FAM117B: variants seen among roughly 807,000 people sequenced by gnomAD.
The protein encoded by FAM117B is family with sequence similarity 117 member B.
FAM117B carries 22 observed loss-of-function variants against 52.8 expected under a neutral mutation model. The ratio of observed to expected loss-of-function variants is 0.42; its 90% confidence interval spans 0.30 to 0.59. The LOEUF (loss-of-function observed/expected upper bound fraction) is 0.59. FAM117B is among the 20% of genes least tolerant of loss of function. FAM117B has a pLI of 0.22. For synonymous variants in FAM117B, 309 were observed against 324.1 expected (o/e 0.95, Z 0.50); for missense variants, 678 against 802.6 (o/e 0.84, Z 1.88).
At chr2:202,726,802 A>C (rs568091600) in intron 4 of FAM117B, among the ~76,000 whole-genome samples, 2 of 152,192 alleles carry the variant, frequency 1.3e-5, no homozygotes, top group South Asian at 4.2e-4. Flanking sequence ...GGGCGATGGG[A>C]GAGGGATAGC....
rs1158185300 is a variant in FAM117B, at chr2:202,673,433, G to GTTTTTTTTTTTTTT, written c.602-22429_602-22416dup. Among the ~76,000 whole-genome samples, 28 of 37,536 alleles carry GTTTTTTTTTTTTTT rather than the reference G, an allele frequency of 7.5e-4. 3 individuals carry two copies. Among genetic ancestry groups the GTTTTTTTTTTTTTT allele is most frequent in the African/African-American group, 2.2e-3 (14 of 6,448 alleles). The allele number at this position is 37,536 out of a possible 152,430, so 24.6% of individuals were successfully genotyped here. A position where few individuals can be genotyped will look rare whatever the true frequency, so the allele number is the denominator to read the frequency against. ...TAGCCTACCCTATTTTTCTTTTTCTGTTTTTTTTTTTTTTTTTTTTTTTTT... is the reference window on the plus strand; with the variant it reads ...TAGCCTACCCTATTTTTCTTTTTCTGTTTTTTTTTTTTTTTTTTTTTTTTTTTTTTTTTTTTTTT... On this transcript the variant is annotated intron_variant, in intron 1 of 7. Coordinates refer to ENST00000392238, the MANE Select transcript of FAM117B (RefSeq NM_173511.4).
At chr2:202,753,408 A>G (rs141978733) in intron 4 of FAM117B, among the ~76,000 whole-genome samples, 4,023 of 152,238 alleles carry the variant, frequency 0.026, 76 homozygotes, top group Non-Finnish European at 0.043. Context: ...AAGCATAAAA[A>G]CCCTAGAAGA....
At position 202,724,969 on chromosome 2, in the gene FAM117B, A is replaced by T. The variant is rs1391278519; in HGVS notation, c.806A>T (p.Lys269Met). 1 of 1,613,476 alleles carries T rather than the reference A, an allele frequency of 6.2e-7. No individual in the cohort carries two copies. Among genetic ancestry groups the T allele is most frequent in the Non-Finnish European group, 8.5e-7 (1 of 1,179,572 alleles). ...TCTGAAAAGAAGAAAGGGTCTCACA[A>T]GCGCTCAGCATCTTGGGGCAGTACA... ...EYSEKKKGSH[K>M]RSASWGSTDQ... Residue 269 changes from lysine to methionine, a missense_variant, in exon 3 of 8, where the codon AAG becomes ATG. Around this residue, in one of 3 missense-constraint regions of FAM117B, gnomAD observed 583 missense variants for 644.8 expected, o/e 0.90. Transcript: ENST00000392238.
chr2:202,725,259 G>C (rs1359296688), intron 3 of FAM117B: 1 of 240,272 alleles, frequency 4.2e-6, no homozygotes, highest in East Asian at 8.4e-5. Flanking sequence ...ATTAACATCA[G>C]ATTTAAAAAT....
intron 4 of FAM117B, among the ~76,000 whole-genome samples, chr2:202,746,288 C>G (rs1257936034): frequency 6.6e-6 from 1 of 151,858 alleles, no homozygotes; most frequent in African/African-American, 2.4e-5. Context: ...CAGACTAGAA[C>G]TAGGAATCAG....
At position 202,766,972 on chromosome 2, in the gene FAM117B, A is replaced by G. The variant is rs1167728503; in HGVS notation, c.*1208A>G. 2 of 152,550 alleles carry G rather than the reference A, an allele frequency of 1.3e-5. No individual in the cohort carries two copies. The highest frequency in any genetic ancestry group is 4.8e-5 in the African/African-American group (2 of 41,406). 9.4% of individuals were successfully genotyped at this position (152,550 alleles called of 1,614,324 possible). A position where few individuals can be genotyped will look rare whatever the true frequency, so the allele number is the denominator to read the frequency against. On this transcript the variant is annotated 3_prime_UTR_variant, in exon 8 of 8. Transcript: ENST00000392238. ...GATTTGTTGCCTACAGATTTTGCTA[A>G]TTTACCCCCCTAACGCTTCACATAG...
At chr2:202,753,352 T>C (rs1003286909) in intron 4 of FAM117B, among the ~76,000 whole-genome samples, 2 of 152,148 alleles carry the variant, frequency 1.3e-5, no homozygotes, top group Non-Finnish European at 2.9e-5. Flanking sequence ...TCCTTATACC[T>C]TATACAAAAA....
intron 1 of FAM117B, among the ~76,000 whole-genome samples, chr2:202,670,113 C>A (rs1171940939): frequency 6.6e-6 from 1 of 152,040 alleles, no homozygotes; most frequent in Non-Finnish European, 1.5e-5. Context: ...TCTAAATCAA[C>A]AAATCTTTAT....
chr2:202,683,871 A>T (rs892604428), intron 1 of FAM117B, among the ~76,000 whole-genome samples: 4 of 146,984 alleles, frequency 2.7e-5, no homozygotes, highest in Non-Finnish European at 4.5e-5. Flanking sequence ...CAAAATTTTA[A>T]TTTTTTTTTT....
At chr2:202,721,154 C>A (rs1251798274) in intron 2 of FAM117B, among the ~76,000 whole-genome samples, 1 of 151,986 alleles carries the variant, frequency 6.6e-6, no homozygotes, top group Non-Finnish European at 1.5e-5. Context: ...TTTTTTCTAA[C>A]TATATTTGAG....
chr2:202,644,064 GTTTT>G (rs1161026426), intron 1 of FAM117B, among the ~76,000 whole-genome samples: 1 of 95,138 alleles, frequency 1.1e-5, no homozygotes, highest in Admixed American at 1.3e-4. Flanking sequence ...TTTTTTTTTT[GTTTT>G]TTTTTTTTTT....
At chr2:202,696,082 T>A in intron 2 of FAM117B, 50 bp downstream of exon 2, 1 of 1,573,030 alleles carries the variant, frequency 6.4e-7, no homozygotes, top group Non-Finnish European at 8.7e-7. Flanking sequence ...TGAAGCTACT[T>A]CTTCTAATAT....
chr2:202,764,395 G>T (rs1184256571), intron 7 of FAM117B, among the ~76,000 whole-genome samples: 2 of 151,976 alleles, frequency 1.3e-5, no homozygotes, highest in Non-Finnish European at 2.9e-5. Flanking sequence ...CTCCCAGGTA[G>T]CAGGGACTAC....
chr2:202,642,765 T>C (rs1689790788), intron 1 of FAM117B, among the ~76,000 whole-genome samples: 1 of 152,218 alleles, frequency 6.6e-6, no homozygotes, highest in African/African-American at 2.4e-5. Context: ...GCTAGGCATT[T>C]ACATGTGGGC....
chr2:202,730,170 G>A (rs765793353), intron 4 of FAM117B, among the ~76,000 whole-genome samples: 1 of 152,102 alleles, frequency 6.6e-6, no homozygotes, highest in African/African-American at 2.4e-5. Context: ...GGTGGGGTTT[G>A]TTAGTCTCTC....
intron 4 of FAM117B, among the ~76,000 whole-genome samples, chr2:202,741,416 CAAAAAAAAAAAAAAAAAA>C (rs1156278814): frequency 2.9e-5 from 1 of 34,934 alleles, no homozygotes; most frequent in Non-Finnish European, 4.6e-5. Context: ...GACTCTGTCT[CAAAAAAAAAAAAAAAAAA>C]AAAAAAAAAA....
At chr2:202,690,652 A>G (rs1291996647) in intron 1 of FAM117B, among the ~76,000 whole-genome samples, 1 of 152,220 alleles carries the variant, frequency 6.6e-6, no homozygotes, top group African/African-American at 2.4e-5. Context: ...ACCTAGAGGC[A>G]TGTAAGGGCA....
At chr2:202,670,358 C>T (rs1451265206) in intron 1 of FAM117B, among the ~76,000 whole-genome samples, 6 of 150,858 alleles carry the variant, frequency 4.0e-5, no homozygotes, top group East Asian at 1.9e-4. Context: ...GGCACAGTCT[C>T]GGCTCACTGA....
At chr2:202,754,994 T>G (rs536220932) in intron 4 of FAM117B, among the ~76,000 whole-genome samples, 15 of 150,982 alleles carry the variant, frequency 9.9e-5, no homozygotes, top group African/African-American at 3.4e-4. Context: ...CTCAGGAAAC[T>G]TAAATCATGG....
Sources: allele counts gnomAD v4.1 joint callset (sites outside exome capture counted in the v4.1 genomes callset), GRCh38; gene constraint gnomAD v4.1.1; regional missense constraint gnomAD v4.1.1; transcripts MANE v1.5; gene names NCBI Gene and HGNC (gene_info 2026-07-23, HGNC 2026-07-21).